KANSL1L: variants seen among roughly 807,000 people sequenced by gnomAD.
KANSL1L encodes KAT8 regulatory NSL complex subunit 1-like protein.
A neutral mutation model predicts 108.6 loss-of-function variants in KANSL1L; 25 were observed. The ratio of observed to expected loss-of-function variants is 0.23; its 90% CI spans 0.17 to 0.32. The LOEUF is 0.32. KANSL1L is among the 10% of genes least tolerant of loss of function. KANSL1L has a pLI of 1.00. For missense variants in KANSL1L, 1,137 were observed against 1,125.7 expected (o/e 1.01, Z -0.14); for synonymous variants, 405 against 395.1 (o/e 1.03, Z -0.30).
At chr2:210,093,357 G>A (rs1316484438) in intron 5 of KANSL1L, among the ~76,000 whole-genome samples, 7 of 152,178 alleles carry the variant, frequency 4.6e-5, no homozygotes, top group Non-Finnish European at 1.0e-4. Flanking sequence ...CGTTGGCCAG[G>A]CTGGTCTTGA....
intron 6 of KANSL1L, among the ~76,000 whole-genome samples, chr2:210,073,190 A>T (rs1020980399): frequency 2.0e-5 from 3 of 152,076 alleles, no homozygotes; most frequent in Non-Finnish European, 4.4e-5. Context: ...ATGTTCCAGG[A>T]TAATCATACC....
chr2:210,048,566 T>C (rs1275224531), intron 6 of KANSL1L, among the ~76,000 whole-genome samples: 1 of 152,138 alleles, frequency 6.6e-6, no homozygotes, highest in Non-Finnish European at 1.5e-5. Context: ...TGTGTATATA[T>C]GTGTGTATAT....
chr2:210,026,609 G>A (rs894483030), intron 12 of KANSL1L, among the ~76,000 whole-genome samples: 3 of 152,048 alleles, frequency 2.0e-5, no homozygotes, highest in East Asian at 1.9e-4. Context: ...TTTCTAAACC[G>A]AAGAGCAAAT....
intron 3 of KANSL1L, among the ~76,000 whole-genome samples, chr2:210,115,501 C>CTTACTGACT (rs2094945585): frequency 5.3e-5 from 8 of 152,068 alleles, no homozygotes; most frequent in Non-Finnish European, 1.0e-4. Flanking sequence ...AGCAAAAATT[C>CTTACTGACT]TTGAGTTTGT....
intron 1 of KANSL1L, among the ~76,000 whole-genome samples, chr2:210,166,448 G>A (rs187528483): frequency 5.7e-4 from 87 of 152,160 alleles, no homozygotes; most frequent in African/African-American, 1.9e-3. Context: ...TAATCTCAAC[G>A]CTCAGAGTTG....
intron 6 of KANSL1L, chr2:210,064,347 A>T: frequency 6.6e-6 from 1 of 152,358 alleles, no homozygotes; most frequent in Admixed American, 6.5e-5. Context: ...AGCTATTATT[A>T]TTTGACATTA....
At chr2:210,086,362 A>G (rs1441536038) in intron 5 of KANSL1L, among the ~76,000 whole-genome samples, 1 of 152,108 alleles carries the variant, frequency 6.6e-6, no homozygotes, top group African/African-American at 2.4e-5. Context: ...TTAGAGTATG[A>G]GATCTGAAAA....
chr2:210,129,051 T>C lies in KANSL1L; in HGVS notation c.1210A>G (p.Arg404Gly), dbSNP rs1226923898. Residue 404 changes from arginine (R) to glycine (G), a missense_variant, in exon 3 of 15, where the codon AGG becomes GGG. Physicochemically the swap from Arg to Gly is moderately radical, Grantham distance 125. This residue lies in a region of KANSL1L where 556 missense variants were observed against 537.7 expected (regional missense o/e 1.03). Coordinates refer to ENST00000281772, the MANE Select transcript of KANSL1L (RefSeq NM_152519.4). ...CKIQQLTDIH[R>G]QIRASKGIVV... is the part of the protein sequence containing the mutation. ...AATACCTTGGAGGCACGAATTTGCC[T>C]GTGAATGTCTGTTAGTTGTTGGATT... The C allele has an allele frequency of 6.2e-7, 1 of 1,613,782 alleles. No individual in the cohort carries two copies. The highest frequency in any genetic ancestry group is 1.3e-5 in the African/African-American group (1 of 75,034).
At chr2:210,056,250 CG>C (rs1257965262) in intron 6 of KANSL1L, among the ~76,000 whole-genome samples, 2 of 152,212 alleles carry the variant, frequency 1.3e-5, no homozygotes, top group Non-Finnish European at 2.9e-5. Flanking sequence ...TGGGAACCTT[CG>C]CCTAGCCATC....
chr2:210,165,315 C>T (rs1687875968), intron 1 of KANSL1L, among the ~76,000 whole-genome samples: 1 of 152,030 alleles, frequency 6.6e-6, no homozygotes, highest in Non-Finnish European at 1.5e-5. Flanking sequence ...AAATAATCCT[C>T]CAGTAAGCAA....
chr2:210,084,670 T>C (rs144870043), intron 5 of KANSL1L, among the ~76,000 whole-genome samples: 5 of 151,920 alleles, frequency 3.3e-5, no homozygotes, highest in African/African-American at 4.8e-5. Context: ...CTGGAGTGCA[T>C]TGGCACGATC....
At position 210,154,445 on chromosome 2, in the gene KANSL1L, A is replaced by C. The variant is rs2095322333; in HGVS notation, c.138T>G (p.Ser46=). 6 of 1,613,480 alleles carry C rather than the reference A, an allele frequency of 3.7e-6. No homozygotes were observed. Among genetic ancestry groups the C allele is most frequent in the Non-Finnish European group, 5.1e-6 (6 of 1,179,718 alleles). ...CAGGAGTTGGAAATCCAAGCATCTG[A>C]GAAAAGGTGTCTCCCTTTAGCTTTT... ...VDEKLKGDTF[S]QMLGFPTPEP... is the part of the protein sequence containing the mutation. Residue 46 remains serine, a synonymous_variant, in exon 2 of 15, where the codon TCT becomes TCG. Transcript: ENST00000281772.
chr2:210,169,629 G>A, intron 1 of KANSL1L, among the ~76,000 whole-genome samples: 1 of 152,176 alleles, frequency 6.6e-6, no homozygotes. Flanking sequence ...AATTGGCCTG[G>A]ATTAAGAAGT....
At chr2:210,031,169 C>CTGAT (rs2094010688) in intron 9 of KANSL1L, 1 of 341,764 alleles carries the variant, frequency 2.9e-6, no homozygotes, top group Non-Finnish European at 5.3e-6. Flanking sequence ...CATCCAGGGA[C>CTGAT]TGATTGGTAG....
intron 8 of KANSL1L, among the ~76,000 whole-genome samples, chr2:210,035,560 C>CG (rs1553641574): frequency 6.6e-6 from 1 of 152,122 alleles, no homozygotes; most frequent in Non-Finnish European, 1.5e-5. Context: ...GCTCACTACA[C>CG]GTCTGCCTCC....
intron 1 of KANSL1L, among the ~76,000 whole-genome samples, chr2:210,162,750 A>G (rs1307761144): frequency 3.9e-5 from 6 of 152,150 alleles, no homozygotes; most frequent in African/African-American, 1.4e-4. Flanking sequence ...GAAATCCAGA[A>G]GTGTATGAAA....
intron 1 of KANSL1L, among the ~76,000 whole-genome samples, chr2:210,157,921 T>C (rs1203235154): frequency 6.6e-6 from 1 of 151,530 alleles, no homozygotes; most frequent in Non-Finnish European, 1.5e-5. Flanking sequence ...AGAAAGCAGA[T>C]TAGTATTTAA....
rs781182879 is a variant in KANSL1L, at chr2:210,154,223, C to A, written c.360G>T (p.Gln120His). ...KNILYNGSNI[Q>H]LSKICLSHSE... The stretch of plus-strand genomic sequence containing the variant: ...AATGAGAAAGACAGATTTTACTGAG[C>A]TGAATGTTGCTGCCATTATACAGTA... The change falls in exon 2 of 15, where the codon CAG becomes CAT. Residue 120 changes from glutamine to histidine, a missense_variant. By Grantham distance (24) the Gln-to-His change is conservative. Around this residue, in one of 3 missense-constraint regions of KANSL1L, gnomAD observed 556 missense variants for 537.7 expected, o/e 1.03. Coordinates refer to ENST00000281772, the MANE Select transcript of KANSL1L (RefSeq NM_152519.4). The A allele has an allele frequency of 1.9e-6, 3 of 1,614,020 alleles. No homozygotes were observed. The South Asian group carries it at 3.3e-5, about 18-fold the overall frequency.
intron 1 of KANSL1L, among the ~76,000 whole-genome samples, chr2:210,163,520 T>C (rs555684429): frequency 6.6e-6 from 1 of 151,916 alleles, no homozygotes; most frequent in Admixed American, 6.6e-5. Context: ...AACCAAGAAC[T>C]GTGGGACAAT....
Sources: allele counts gnomAD v4.1 joint callset (sites outside exome capture counted in the v4.1 genomes callset), GRCh38; gene constraint gnomAD v4.1.1; regional missense constraint gnomAD v4.1.1; transcripts MANE v1.5; gene names NCBI Gene and HGNC (gene_info 2026-07-23, HGNC 2026-07-21).